ASB10: variants seen among roughly 807,000 people sequenced by gnomAD.
ASB10 encodes ankyrin repeat and SOCS box containing 10.
Under a neutral mutation model 35.4 loss-of-function variants are expected in ASB10, and 44 were observed. The observed-to-expected ratio is 1.24, with a 90% CI of 0.98 to 1.60. ASB10 has a LOEUF of 1.60. ASB10 is among the 40% of genes most tolerant of loss of function. The pLI is 0.00. For synonymous variants in ASB10, 294 were observed against 280.4 expected (o/e 1.05, Z -0.49); for missense variants, 647 against 634.3 (o/e 1.02, Z -0.22).
intron 4 of ASB10, 67 bp from the exon 5 acceptor site, chr7:151,176,364 G>A: frequency 6.7e-7 from 1 of 1,502,422 alleles, no homozygotes; most frequent in Non-Finnish European, 8.9e-7. Context: ...CCTCCTCACA[G>A]GGTAGGCTGG....
chr7:151,181,356 C>A lies in ASB10; in HGVS notation c.687G>T (p.Glu229Asp), dbSNP rs530212441. ...CCCGTCTTAGAAGCAGATCTGCCAGCTCCACATGGCCAAGCCGGGCGGCCA... is the reference window on the plus strand; with the variant it reads ...CCCGTCTTAGAAGCAGATCTGCCAGATCCACATGGCCAAGCCGGGCGGCCA... ...LHVAARLGHV[E>D]LADLLLRRGA... Residue 229 changes from glutamate (E) to aspartate (D), a missense_variant, in exon 3 of 6, where the codon GAG becomes GAT. Coordinates refer to ENST00000420175, the MANE Select transcript of ASB10 (RefSeq NM_001142459.2). The A allele has an allele frequency of 2.1e-4, 342 of 1,613,192 alleles. 3 individuals carry two copies. In the South Asian group the frequency reaches 3.5e-3, roughly 17 times the overall value.
At chr7:151,177,203 A>C (rs1011817791) in intron 3 of ASB10, among the ~76,000 whole-genome samples, 33 of 152,388 alleles carry the variant, frequency 2.2e-4, no homozygotes, top group African/African-American at 7.7e-4. Context: ...AAGCCAATAC[A>C]GCAGCTAACC....
At position 151,176,526 on chromosome 7, in the gene ASB10, G is replaced by A. The variant is rs904449951; in HGVS notation, c.1218+37C>T. 6 of 1,531,282 alleles carry A rather than the reference G, an allele frequency of 3.9e-6. No homozygotes were observed. The African/African-American group carries it at 5.5e-5, about 14-fold the overall frequency. 94.9% of individuals were successfully genotyped at this position (1,531,282 alleles called of 1,614,324 possible). A position where few individuals can be genotyped will look rare whatever the true frequency, so the allele number is the denominator to read the frequency against. On this transcript the variant is annotated intron_variant, in intron 4 of 5. Coordinates refer to ENST00000420175, the MANE Select transcript of ASB10 (RefSeq NM_001142459.2). ...TAGCGGGTGGGAGTCTTGGGACCAGGATGAGAAGCTCTATGTTCAGGGCCT... is the reference window on the plus strand; with the variant it reads ...TAGCGGGTGGGAGTCTTGGGACCAGAATGAGAAGCTCTATGTTCAGGGCCT...
intron 3 of ASB10, among the ~76,000 whole-genome samples, chr7:151,180,543 G>T (rs528796709): frequency 3.3e-5 from 5 of 152,250 alleles, no homozygotes; most frequent in African/African-American, 1.2e-4. Context: ...TCATCAGTTT[G>T]CTGTGCTGAT....
At chr7:151,180,898 C>T in intron 3 of ASB10, 41 bp downstream of exon 3, 1 of 1,448,620 alleles carries the variant, frequency 6.9e-7, no homozygotes, top group Admixed American at 2.7e-5. Context: ...CTCCCTGTCC[C>T]CTCACCATGG....
rs533844799 is a variant in ASB10 at position 151,176,413 on chromosome 7, A to G, written c.1219-116T>C. On this transcript the variant is annotated intron_variant, in intron 4 of 5. Transcript: ENST00000420175. ...ATCTACCGGAAGGAACCTATTAGAA[A>G]CAATGAATGTTTGAGTGTTCACTCT... 1.3e-4 allele frequency: 196 copies of G among 1,461,068 alleles called. 5 individuals are homozygous for G. In the South Asian group the frequency reaches 2.7e-3, roughly 20 times the overall value. The allele number at this position is 1,461,068 out of a possible 1,614,324, so 90.5% of individuals were successfully genotyped here.
chr7:151,184,746 G>A (rs1801555368), intron 2 of ASB10, among the ~76,000 whole-genome samples: 1 of 152,128 alleles, frequency 6.6e-6, no homozygotes. Context: ...CAAAAGGCCG[G>A]GCACGGTGGC....
upstream of ASB10, chr7:151,187,399 C>T (rs1036309688): frequency 7.2e-5 from 112 of 1,549,764 alleles, no homozygotes; most frequent in Admixed American, 3.7e-4. The surrounding 1 kb of genome is among the most constrained non-coding windows in gnomAD (Gnocchi z 5.3). Flanking sequence ...CCTCTGTGGC[C>T]GAGGCAGTCA....
upstream of ASB10, chr7:151,187,543 TG>T (rs1383638685): frequency 6.4e-7 from 1 of 1,551,486 alleles, no homozygotes; most frequent in South Asian, 1.2e-5. This position sits in a 1 kb window ranked among gnomAD's most constrained non-coding sequence, Gnocchi z 5.3. Context: ...CCTGCAACCT[TG>T]CCAGGTCCCC....
chr7:151,181,180 T>C lies in ASB10; in HGVS notation c.863A>G (p.Asp288Gly). ...TCGCTGCTTGTCCTGGTCCGCAGCA[T>C]CAGCGTCTGCTCCAGCTGAAAGCAG... Reference protein sequence around the residue: ...SLLLSAGADADAADQDKQRPL... With the variant: ...SLLLSAGADAGAADQDKQRPL... The change falls in exon 3 of 6, where the codon GAT becomes GGT. Residue 288 changes from aspartate to glycine, a missense_variant. Asp to Gly is a moderately conservative substitution (Grantham distance 94, BLOSUM62 -1). Coordinates refer to ENST00000420175, the MANE Select transcript of ASB10 (RefSeq NM_001142459.2). 6.2e-7 allele frequency: 1 copy of C among 1,611,640 alleles called. No individual in the cohort carries two copies. The highest frequency in any genetic ancestry group is 8.5e-7 in the Non-Finnish European group (1 of 1,179,056).
At chr7:151,181,694 C>T (rs1801498383) in intron 2 of ASB10, among the ~76,000 whole-genome samples, 1 of 151,638 alleles carries the variant, frequency 6.6e-6, no homozygotes, top group Admixed American at 6.6e-5. Flanking sequence ...CTCACTGCAA[C>T]CTCCACCTCC....
Position 151,186,948 on chromosome 7 carries a change from T to C in ASB10, c.183A>G (p.Ala61=). 1 of 1,613,762 alleles carries C rather than the reference T, an allele frequency of 6.2e-7. No individual in the cohort carries two copies. The highest frequency in any genetic ancestry group is 1.1e-5 in the South Asian group (1 of 91,074). Residue 61 remains alanine, a synonymous_variant, in exon 1 of 6, where the codon GCA becomes GCG. Coordinates refer to ENST00000420175, the MANE Select transcript of ASB10 (RefSeq NM_001142459.2). ...CACAGCCCACGTCCCCAGCCAGCAC[T>C]GCCTGCCAGAAGGCAAGGGCAGGTC... ...ASGPALAFWQ[A]VLAGDVGCVS...
rs1412376079 is a variant in ASB10, at chr7:151,186,341, C to CT, written c.584+50dup. The CT allele has an allele frequency of 3.3e-6, 5 of 1,518,364 alleles. No homozygotes were observed. In the South Asian group the frequency reaches 5.1e-5, roughly 15 times the overall value. 94.1% of individuals were successfully genotyped at this position (1,518,364 alleles called of 1,614,324 possible). A position where few individuals can be genotyped will look rare whatever the true frequency, so the allele number is the denominator to read the frequency against. ...TCCCCCATCCTCCCTGAGAAGGCCT[C>CT]TTTGCTTCCCTTCAGAGTGGAACTG... On this transcript the variant is annotated intron_variant, in intron 2 of 5. Coordinates refer to ENST00000420175, the MANE Select transcript of ASB10 (RefSeq NM_001142459.2).
At chr7:151,187,309 C>T (rs1563578881), upstream of ASB10, 6 of 1,508,316 alleles carry the variant, frequency 4.0e-6, no homozygotes, top group South Asian at 2.6e-5. The surrounding 1 kb of genome is among the most constrained non-coding windows in gnomAD (Gnocchi z 5.3). Context: ...TGTTCTTGGG[C>T]CAAGGTGTAG....
chr7:151,186,213 C>T (rs890301840), intron 2 of ASB10, among the ~76,000 whole-genome samples, 179 bp downstream of exon 2: 2 of 152,206 alleles, frequency 1.3e-5, no homozygotes, highest in African/African-American at 4.8e-5. Context: ...AAGTCCAGGC[C>T]ACTCCAAAGT....
intron 5 of ASB10, 63 bp from the exon 6 acceptor site, chr7:151,176,029 G>A: frequency 6.7e-7 from 1 of 1,500,316 alleles, no homozygotes. Context: ...GTTCTGGCTA[G>A]GGCCCTCCCC....
rs535741213 is a variant in ASB10 at position 151,179,716 on chromosome 7, G to A, written c.1104+1223C>T. 4.6e-5 allele frequency among the ~76,000 whole-genome samples: 7 copies of A among 152,318 alleles called. No homozygotes were observed. The East Asian group carries it at 1.2e-3, about 25-fold the overall frequency. On this transcript the variant is annotated intron_variant, in intron 3 of 5. Coordinates refer to ENST00000420175, the MANE Select transcript of ASB10 (RefSeq NM_001142459.2). ...GGTACTTTGCTCTGCCAGCCCCTTT[G>A]GTCCCAGAGACAGGCTGAGAGGTGG...
rs747478250 is a variant in ASB10, at chr7:151,186,993, G to A, written c.138C>T (p.Ile46=). The part of the protein sequence containing the change: ...EEHLKSGPGP[I]VTRTASGPAL... ...CAGGTCCTGAGGCTGTGCGGGTGAC[G>A]ATGGGTCCCGGGCCAGACTTGAGGT... The change falls in exon 1 of 6, where the codon ATC becomes ATT. Residue 46 remains isoleucine, a synonymous_variant. Coordinates refer to ENST00000420175, the MANE Select transcript of ASB10 (RefSeq NM_001142459.2). 15 of 1,611,548 alleles carry A rather than the reference G, an allele frequency of 9.3e-6. No homozygotes were observed. The highest frequency in any genetic ancestry group is 6.7e-5 in the Admixed American group (4 of 59,876).
chr7:151,186,576 G>C lies in ASB10; in HGVS notation c.400C>G (p.Leu134Val), dbSNP rs762704589. 1 of 1,607,790 alleles carries C rather than the reference G, an allele frequency of 6.2e-7. No homozygotes were observed. Among genetic ancestry groups the C allele is most frequent in the Non-Finnish European group, 8.5e-7 (1 of 1,177,922 alleles). Residue 134 changes from leucine (L) to valine (V), a missense_variant, in exon 2 of 6, where the codon CTG becomes GTG. Coordinates refer to ENST00000420175, the MANE Select transcript of ASB10 (RefSeq NM_001142459.2). ...GGCCTTGCTCGCCGCCTCAGCAGCA[G>C]CCGCAGGACTTCCGTGTGGCCACGG... ...ASRGHTEVLR[L>V]LLRRRARPDS...
Sources: allele counts gnomAD v4.1 joint callset (sites outside exome capture counted in the v4.1 genomes callset), GRCh38; gene constraint gnomAD v4.1.1; non-coding constraint Gnocchi (gnomAD v3.1); transcripts MANE v1.5; gene names NCBI Gene and HGNC (gene_info 2026-07-23, HGNC 2026-07-21).